The following STAT5B variants were observed in gnomAD, a reference collection of about 807,000 sequenced individuals.
STAT5B encodes transcription factor STAT5B.
STAT5B carries 21 observed loss-of-function variants against 107.8 expected under a neutral mutation model. That is an observed-to-expected ratio of 0.19 (90% CI 0.14 to 0.28). STAT5B has a LOEUF of 0.28. STAT5B is among the 10% of genes least tolerant of loss of function. STAT5B has a pLI of 1.00. For missense variants in STAT5B, 565 were observed against 1,008.2 expected (o/e 0.56, Z 5.95); for synonymous variants, 325 against 401.7 (o/e 0.81, Z 2.28).
intron 1 of STAT5B, among the ~76,000 whole-genome samples, chr17:42,241,613 T>C (rs2080403720): frequency 6.6e-6 from 1 of 151,950 alleles, no homozygotes; most frequent in African/African-American, 2.4e-5. Flanking sequence ...TGGCTAATTT[T>C]TGGATTTTTA....
intron 1 of STAT5B, among the ~76,000 whole-genome samples, chr17:42,243,232 TG>T (rs1193382499): frequency 2.0e-5 from 3 of 152,046 alleles, no homozygotes; most frequent in Non-Finnish European, 4.4e-5. Context: ...GGCACACGCC[TG>T]TAGTTGCAGC....
chr17:42,245,611 C>T (rs992613592), intron 1 of STAT5B, among the ~76,000 whole-genome samples: 2 of 152,012 alleles, frequency 1.3e-5, no homozygotes, highest in African/African-American at 4.8e-5. Flanking sequence ...CAACCTCCGC[C>T]CCCCAGGTTC....
the STAT5B span, among the ~76,000 whole-genome samples, chr17:42,284,830 T>C: frequency 1.3e-5 from 2 of 152,246 alleles, no homozygotes; most frequent in African/African-American, 2.4e-5. Flanking sequence ...TGGTGCCATC[T>C]GTGCACTTAC....
chr17:42,285,913 CAGAG>C, the STAT5B span, among the ~76,000 whole-genome samples: 2 of 152,136 alleles, frequency 1.3e-5, no homozygotes, highest in South Asian at 4.2e-4. Flanking sequence ...GGGAGAGACA[CAGAG>C]AGAATAAAAG....
intron 1 of STAT5B, among the ~76,000 whole-genome samples, chr17:42,243,495 C>T (rs1030384135): frequency 6.6e-6 from 1 of 152,196 alleles, no homozygotes; most frequent in African/African-American, 2.4e-5. Flanking sequence ...GGAGTAGATA[C>T]ACTGTCAAGT....
chr17:42,263,411 T>C (rs2080635607), intron 1 of STAT5B, among the ~76,000 whole-genome samples: 1 of 152,122 alleles, frequency 6.6e-6, no homozygotes, highest in African/African-American at 2.4e-5. Flanking sequence ...AAAACACTGA[T>C]AACAAAAAAC....
intron 2 of STAT5B, among the ~76,000 whole-genome samples, chr17:42,229,830 C>T (rs2080303688): frequency 1.3e-5 from 2 of 151,076 alleles, no homozygotes; most frequent in East Asian, 2.0e-4. Context: ...GAGATCACGC[C>T]ACTGCAGCCT....
intron 1 of STAT5B, among the ~76,000 whole-genome samples, chr17:42,267,986 T>A (rs2080688975): frequency 6.6e-6 from 1 of 151,684 alleles, no homozygotes; most frequent in Non-Finnish European, 1.5e-5. Flanking sequence ...GTAAAAAGTT[T>A]ACAAAGTAAA....
At chr17:42,283,149 CA>C in the STAT5B span, among the ~76,000 whole-genome samples, 2 of 152,194 alleles carry the variant, frequency 1.3e-5, no homozygotes, top group African/African-American at 4.8e-5. Flanking sequence ...CTGGCCAAGG[CA>C]CAAAAGATTT....
intron 9 of STAT5B, 53 bp from the exon 10 acceptor site, chr17:42,217,517 G>A: frequency 6.3e-7 from 1 of 1,595,454 alleles, no homozygotes; most frequent in East Asian, 2.2e-5. Context: ...CTCAGGACAT[G>A]CGGAGTAAAT....
intron 1 of STAT5B, among the ~76,000 whole-genome samples, chr17:42,262,922 GTA>G (rs71917212): frequency 0.13 from 11,419 of 89,638 alleles, 1,281 homozygotes; most frequent in East Asian, 0.27. Context: ...ATATATGTGT[GTA>G]TATATATATG....
the STAT5B span, among the ~76,000 whole-genome samples, chr17:42,287,188 C>T: frequency 6.6e-6 from 1 of 150,950 alleles, no homozygotes; most frequent in East Asian, 1.9e-4. Flanking sequence ...GCTTCTGCAG[C>T]TTTGAAGTTC....
At chr17:42,210,342 T>G in intron 14 of STAT5B, 41 bp from the exon 15 acceptor site, 1 of 1,614,170 alleles carries the variant, frequency 6.2e-7, no homozygotes. Flanking sequence ...GAGTGTGACT[T>G]ACGATGCCAG....
chr17:42,214,775 G>T (rs1485418746), intron 12 of STAT5B, among the ~76,000 whole-genome samples: 1 of 152,058 alleles, frequency 6.6e-6, no homozygotes, highest in Non-Finnish European at 1.5e-5. Context: ...TTTGAGACAG[G>T]GTGTCGCTTT....
intron 2 of STAT5B, among the ~76,000 whole-genome samples, chr17:42,229,040 A>C (rs2080296892): frequency 6.6e-6 from 1 of 152,242 alleles, no homozygotes; most frequent in Non-Finnish European, 1.5e-5. Flanking sequence ...TCAGATTCTA[A>C]ATATGTGTGC....
intron 4 of STAT5B, among the ~76,000 whole-genome samples, chr17:42,223,916 C>A (rs998370638): frequency 5.9e-5 from 9 of 152,166 alleles, no homozygotes; most frequent in African/African-American, 2.2e-4. Flanking sequence ...GATTCCTCTT[C>A]CACTCACTGA....
chr17:42,240,372 T>C (rs2080391863), intron 1 of STAT5B, among the ~76,000 whole-genome samples: 1 of 152,174 alleles, frequency 6.6e-6, no homozygotes, highest in Non-Finnish European at 1.5e-5. Context: ...TTGAAATCAT[T>C]ATGTAAAGTG....
intron 1 of STAT5B, among the ~76,000 whole-genome samples, chr17:42,236,964 C>T (rs1402759170): frequency 1.3e-5 from 2 of 152,178 alleles, no homozygotes; most frequent in African/African-American, 4.8e-5. Context: ...GCGTGATGCT[C>T]AGACAAGGGA....
intron 13 of STAT5B, 81 bp downstream of exon 13, chr17:42,211,903 A>G (rs1346434641): frequency 6.5e-7 from 1 of 1,544,362 alleles, no homozygotes; most frequent in African/African-American, 1.4e-5. Flanking sequence ...ATGAAGAATA[A>G]GGGCCCAGGG....
Sources: gnomAD v4.1 joint callset for allele counts (sites outside exome capture counted in the v4.1 genomes callset) on GRCh38, gnomAD v4.1.1 for gene constraint, MANE v1.5 for transcripts, NCBI Gene and HGNC (gene_info 2026-07-23, HGNC 2026-07-21) for gene names.